UBE2G1: variants seen among roughly 807,000 people sequenced by gnomAD.
The protein encoded by UBE2G1 is ubiquitin-conjugating enzyme E2 G1.
Under a neutral mutation model 22.7 loss-of-function variants are expected in UBE2G1, and 5 were observed. The observed-to-expected ratio is 0.22, with a 90% CI of 0.12 to 0.46. UBE2G1 has a LOEUF of 0.46. UBE2G1 is among the 20% of genes least tolerant of loss of function. The pLI is 0.99. For missense variants in UBE2G1, 88 were observed against 203.9 expected (o/e 0.43, Z 3.46); for synonymous variants, 74 against 67.5 (o/e 1.10, Z -0.47).
intron 1 of UBE2G1, among the ~76,000 whole-genome samples, chr17:4,329,699 A>G (rs1969547792): frequency 3.9e-5 from 6 of 152,226 alleles, no homozygotes; most frequent in Admixed American, 2.0e-4. Flanking sequence ...GACTGAAATC[A>G]GGGTTGTCTT....
intron 1 of UBE2G1, 120 bp downstream of exon 1, chr17:4,366,151 A>C (rs979771280): frequency 9.3e-7 from 1 of 1,072,184 alleles, no homozygotes; most frequent in Non-Finnish European, 1.2e-6. Flanking sequence ...CGAGGTCCCC[A>C]CCCTCGCAGG....
chr17:4,355,192 G>C (rs998798552), intron 1 of UBE2G1, among the ~76,000 whole-genome samples: 1 of 151,600 alleles, frequency 6.6e-6, no homozygotes, highest in Non-Finnish European at 1.5e-5. Flanking sequence ...AGTAGAAATG[G>C]GGTTTCACCA....
chr17:4,352,633 T>C (rs1167924250), intron 1 of UBE2G1, among the ~76,000 whole-genome samples: 1 of 152,188 alleles, frequency 6.6e-6, no homozygotes, highest in Non-Finnish European at 1.5e-5. Flanking sequence ...AGAAAAGCTA[T>C]AGTCATGACA....
intron 1 of UBE2G1, among the ~76,000 whole-genome samples, chr17:4,365,417 C>T (rs1242967355): frequency 2.6e-5 from 4 of 152,354 alleles, no homozygotes; most frequent in Admixed American, 6.5e-5. Context: ...AACCTGGAAG[C>T]CGCAAACGGC....
intron 1 of UBE2G1, among the ~76,000 whole-genome samples, chr17:4,339,974 C>A (rs1226681222): frequency 6.6e-6 from 1 of 152,220 alleles, no homozygotes; most frequent in Non-Finnish European, 1.5e-5. Flanking sequence ...CCTGGGGCTG[C>A]ACGGGCTGGA....
At chr17:4,300,031 T>C (rs1969156907) in intron 2 of UBE2G1, among the ~76,000 whole-genome samples, 2 of 151,688 alleles carry the variant, frequency 1.3e-5, no homozygotes, top group South Asian at 4.2e-4. Context: ...TTCACTATGT[T>C]GGCCAGGCTG....
At chr17:4,276,354 A>G (rs1478299038) in intron 5 of UBE2G1, among the ~76,000 whole-genome samples, 1 of 149,664 alleles carries the variant, frequency 6.7e-6, no homozygotes, top group African/African-American at 2.5e-5. Flanking sequence ...TTTTTTTTGT[A>G]TTTTTAGTAG....
intron 3 of UBE2G1, among the ~76,000 whole-genome samples, chr17:4,294,631 G>A (rs1969086684): frequency 6.6e-6 from 1 of 152,080 alleles, no homozygotes; most frequent in South Asian, 2.1e-4. Context: ...GAAAACATAG[G>A]CCTGGCGTGG....
rs1240345592 is a variant in UBE2G1, at chr17:4,272,155, A to T, written c.*399T>A. 6.6e-6 allele frequency: 1 copy of T among 152,670 alleles called. No individual in the cohort carries two copies. The highest frequency in any genetic ancestry group is 1.5e-5 in the Non-Finnish European group (1 of 68,032). 9.5% of individuals were successfully genotyped at this position (152,670 alleles called of 1,614,324 possible). A position where few individuals can be genotyped will look rare whatever the true frequency, so the allele number is the denominator to read the frequency against. On this transcript the variant is annotated 3_prime_UTR_variant, in exon 6 of 6. Coordinates refer to ENST00000396981, the MANE Select transcript of UBE2G1 (RefSeq NM_003342.5). The stretch of plus-strand genomic sequence containing the variant: ...CCTTTTAAACTGATAAGAAACAATG[A>T]ATAGGAAAGAAAACCTGCTAAAATC...
chr17:4,363,688 C>A (rs761787856), intron 1 of UBE2G1, among the ~76,000 whole-genome samples: 18 of 152,032 alleles, frequency 1.2e-4, no homozygotes, highest in Admixed American at 1.2e-3. Flanking sequence ...CCCGGTGGCT[C>A]ACGTCTGTAA....
At chr17:4,314,187 G>C (rs72829386) in intron 1 of UBE2G1, among the ~76,000 whole-genome samples, 11,390 of 152,112 alleles carry the variant, frequency 0.075, 541 homozygotes, top group South Asian at 0.15. Context: ...TCACTAAAAC[G>C]GACCAGGGCT....
intron 1 of UBE2G1, among the ~76,000 whole-genome samples, chr17:4,364,667 C>CAA (rs1970012056): frequency 1.3e-5 from 2 of 151,414 alleles, no homozygotes; most frequent in Non-Finnish European, 2.9e-5. Context: ...TGCAACGATG[C>CAA]CTCCCGCGTT....
At chr17:4,296,387 G>A (rs146212497) in intron 3 of UBE2G1, among the ~76,000 whole-genome samples, 2,314 of 152,058 alleles carry the variant, frequency 0.015, 36 homozygotes, top group Non-Finnish European at 0.022. Context: ...CTCAGCCTCC[G>A]AAGTAGCTGG....
chr17:4,363,681 G>A (rs936084032), intron 1 of UBE2G1, among the ~76,000 whole-genome samples: 7 of 152,104 alleles, frequency 4.6e-5, no homozygotes, highest in African/African-American at 1.4e-4. Flanking sequence ...GGCCGGGCCC[G>A]GTGGCTCACG....
intron 2 of UBE2G1, among the ~76,000 whole-genome samples, chr17:4,298,255 A>C (rs1384047147): frequency 1.3e-5 from 2 of 152,178 alleles, no homozygotes; most frequent in Non-Finnish European, 2.9e-5. Context: ...CAGCCCAAGA[A>C]GTTGAGGCTT....
At chr17:4,363,950 CAAAAAAA>C (rs1195720643) in intron 1 of UBE2G1, among the ~76,000 whole-genome samples, 1,283 of 43,844 alleles carry the variant, frequency 0.029, 35 homozygotes, top group African/African-American at 0.1. Flanking sequence ...GACTCCGTCT[CAAAAAAA>C]AAAAAAAAAA....
At chr17:4,311,003 G>A (rs531919086) in intron 1 of UBE2G1, among the ~76,000 whole-genome samples, 5 of 152,176 alleles carry the variant, frequency 3.3e-5, no homozygotes, top group Admixed American at 6.5e-5. Context: ...TTGAGCCCAG[G>A]AGTTTGATGC....
intron 1 of UBE2G1, among the ~76,000 whole-genome samples, chr17:4,331,512 T>C (rs576027556): frequency 6.6e-6 from 1 of 152,202 alleles, no homozygotes; most frequent in African/African-American, 2.4e-5. Context: ...TTAAAACACA[T>C]ACACTACACA....
intron 5 of UBE2G1, among the ~76,000 whole-genome samples, chr17:4,273,584 G>A (rs138981417): frequency 6.6e-5 from 10 of 152,056 alleles, no homozygotes; most frequent in East Asian, 5.8e-4. Context: ...CTCAAGCAAC[G>A]CTGCCACCTC....
Sources: allele counts gnomAD v4.1 joint callset (sites outside exome capture counted in the v4.1 genomes callset), GRCh38; gene constraint gnomAD v4.1.1; transcripts MANE v1.5; gene names NCBI Gene and HGNC (gene_info 2026-07-23, HGNC 2026-07-21).